Variants in ZNF276 observed in about 807,000 individuals in gnomAD.
The protein encoded by ZNF276 is zinc finger protein 276.
ZNF276 carries 59 observed loss-of-function variants against 63.9 expected under a neutral mutation model. The ratio of observed to expected loss-of-function variants is 0.92; its 90% CI spans 0.75 to 1.15. The LOEUF is 1.15. Among genes scored for constraint, ZNF276 ranks in the 50% most tolerant of loss-of-function variants. The pLI is 0.00. For synonymous variants in ZNF276, 496 were observed against 348.4 expected, an observed-to-expected ratio of 1.42 and a Z score of -4.72; for missense variants, 1,084 against 843.8, an observed-to-expected ratio of 1.28 and a Z score of -3.53.
At position 89,722,691 on chromosome 16, in the gene ZNF276, T is replaced by C; in HGVS notation, c.366T>C (p.Gly122=). The C allele has an allele frequency of 1.2e-6, 2 of 1,612,434 alleles. No homozygotes were observed. The highest frequency in any genetic ancestry group is 1.7e-6 in the Non-Finnish European group (2 of 1,180,028). ...VLVRDFQRLL[G]VAVRQDPTLS... Reference sequence around the variant, plus strand: ...TACGGGACTTCCAGCGCCTGCTTGGTGTGGCTGTCCGCCAGGACCCCACCT... The same window carrying C: ...TACGGGACTTCCAGCGCCTGCTTGGCGTGGCTGTCCGCCAGGACCCCACCT... Residue 122 remains glycine, a synonymous_variant, in exon 2 of 11, where the codon GGT becomes GGC. Transcript: ENST00000443381.
chr16:89,734,780 G>A (rs2061795370), intron 9 of ZNF276, among the ~76,000 whole-genome samples: 1 of 152,142 alleles, frequency 6.6e-6, no homozygotes, highest in Admixed American at 6.5e-5. Context: ...TATGACTGAG[G>A]GTGCTGTCTC....
Position 89,738,946 on chromosome 16 carries a change from G to A in ZNF276, c.*700G>A, listed in dbSNP as rs1457671800. On this transcript the variant is annotated 3_prime_UTR_variant, in exon 11 of 11. Coordinates refer to ENST00000443381, the MANE Select transcript of ZNF276 (RefSeq NM_001113525.2). Reference sequence around the variant, plus strand: ...TATTAACTGCAGCAGAAAAAGACGAGCTTTTGTTATCAGTTCCACGGGGTT... The same window carrying A: ...TATTAACTGCAGCAGAAAAAGACGAACTTTTGTTATCAGTTCCACGGGGTT... 1.9e-6 allele frequency: 3 copies of A among 1,614,256 alleles called. No individual in the cohort carries two copies. Among genetic ancestry groups the A allele is most frequent in the Non-Finnish European group, 2.5e-6 (3 of 1,180,050 alleles).
At chr16:89,729,669 CCA>C (rs1443444359) in intron 6 of ZNF276, among the ~76,000 whole-genome samples, 1 of 152,106 alleles carries the variant, frequency 6.6e-6, no homozygotes, top group Non-Finnish European at 1.5e-5. Context: ...GGTTCACACC[CCA>C]GTGTACCCCC....
At chr16:89,737,657 G>GCCCT in intron 9 of ZNF276, 149 bp from the exon 10 acceptor site, 1 of 1,439,888 alleles carries the variant, frequency 6.9e-7, no homozygotes, top group Non-Finnish European at 9.2e-7. Flanking sequence ...AATAAACGAG[G>GCCCT]CCCTCATAGG....
upstream of ZNF276, chr16:89,720,909 C>T (rs1176236659): frequency 4.7e-6 from 6 of 1,273,858 alleles, no homozygotes; most frequent in African/African-American, 7.8e-5. Context: ...GCTGGACGGG[C>T]GACCGGAGGC....
In ZNF276 at chr16:89,723,489, A is replaced by T; in HGVS notation, c.786A>T (p.Pro262=). ...ACAGTGCGCTGGCAGTCAAGTGGCC[A>T]TGGGACAAAGAGACGGCGCCACGGC... ...LLDSALAVKW[P]WDKETAPRLP... Residue 262 remains proline (P), a synonymous_variant, in exon 4 of 11, where the codon CCA becomes CCT. Coordinates refer to ENST00000443381, the MANE Select transcript of ZNF276 (RefSeq NM_001113525.2). 6.2e-7 allele frequency: 1 copy of T among 1,613,008 alleles called. No individual in the cohort carries two copies. The highest frequency in any genetic ancestry group is 8.5e-7 in the Non-Finnish European group (1 of 1,180,030).
chr16:89,721,938 C>T (rs996780364), intron 1 of ZNF276, 93 bp downstream of exon 1: 1 of 896,142 alleles, frequency 1.1e-6, no homozygotes. Flanking sequence ...GGCGCGGCCT[C>T]TCCTCCACCC....
chr16:89,723,013 G>A (rs1021776371), intron 2 of ZNF276, 124 bp from the exon 3 acceptor site: 1 of 1,596,504 alleles, frequency 6.3e-7, no homozygotes, highest in Admixed American at 1.7e-5. Flanking sequence ...AGGAGCTGGG[G>A]TGAGGGAAGA....
intron 5 of ZNF276, 111 bp from the exon 6 acceptor site, chr16:89,729,124 A>G: frequency 1.2e-6 from 1 of 856,248 alleles, no homozygotes; most frequent in Non-Finnish European, 1.9e-6. Context: ...TTTCAGAAGA[A>G]CTCAAATGTG....
chr16:89,731,756 G>A (rs1157386073), intron 6 of ZNF276: 1 of 152,250 alleles, frequency 6.6e-6, no homozygotes, highest in Non-Finnish European at 1.5e-5. Flanking sequence ...TATTGCATAT[G>A]TATTGTTCAT....
In ZNF276 at chr16:89,733,944, G is replaced by A; in HGVS notation, c.1380G>A (p.Glu460=). 2 of 1,613,956 alleles carry A rather than the reference G, an allele frequency of 1.2e-6. No individual in the cohort carries two copies. Among genetic ancestry groups the A allele is most frequent in the Non-Finnish European group, 1.7e-6 (2 of 1,180,006 alleles). ...GMKKHIKEHH[E]EVRERPCPHP... ...AGAAGCACATCAAGGAGCACCACGA[G>A]GAGGTCCGGGAGCGGCCCTGCCCCC... The change falls in exon 9 of 11, where the codon GAG becomes GAA. Residue 460 remains glutamate, a synonymous_variant. Transcript: ENST00000443381.
chr16:89,729,898 G>A (rs1346542723), intron 6 of ZNF276, among the ~76,000 whole-genome samples: 1 of 152,134 alleles, frequency 6.6e-6, no homozygotes, highest in Non-Finnish European at 1.5e-5. Context: ...TGGTAGTGAG[G>A]GCTGGTTTTC....
chr16:89,735,697 C>T (rs867966412), intron 9 of ZNF276, among the ~76,000 whole-genome samples: 1 of 151,992 alleles, frequency 6.6e-6, no homozygotes, highest in East Asian at 1.9e-4. Flanking sequence ...ATAGTGAGGC[C>T]GTCTTTACCA....
chr16:89,736,795 CAAAAAA>C (rs3039799), intron 9 of ZNF276, among the ~76,000 whole-genome samples: 14 of 72,504 alleles, frequency 1.9e-4, no homozygotes, highest in African/African-American at 7.7e-4. Flanking sequence ...ACCCTGTCTC[CAAAAAA>C]AAAAAAAAAA....
intron 1 of ZNF276, among the ~76,000 whole-genome samples, 156 bp downstream of exon 1, chr16:89,722,001 G>C (rs1434416317): frequency 6.6e-6 from 1 of 152,126 alleles, no homozygotes; most frequent in African/African-American, 2.4e-5. Flanking sequence ...CTGGGCGGCC[G>C]GCTCGGTTTT....
At chr16:89,736,938 A>G (rs1323902750) in intron 9 of ZNF276, among the ~76,000 whole-genome samples, 1 of 152,098 alleles carries the variant, frequency 6.6e-6, no homozygotes, top group Non-Finnish European at 1.5e-5. Flanking sequence ...TAAAATGCCA[A>G]GATAGGGTTT....
At chr16:89,729,029 G>T (rs569674478) in intron 5 of ZNF276, among the ~76,000 whole-genome samples, 1 of 152,376 alleles carries the variant, frequency 6.6e-6, no homozygotes, top group Admixed American at 6.5e-5. Flanking sequence ...CACATGGCTT[G>T]TGGGGATTGC....
In ZNF276 at chr16:89,738,842, A is replaced by G. The variant is rs111846044; in HGVS notation, c.*596A>G. On this transcript the variant is annotated 3_prime_UTR_variant, in exon 11 of 11. Coordinates refer to ENST00000443381, the MANE Select transcript of ZNF276 (RefSeq NM_001113525.2). ...ATGGCCCAGGCAGCTGTCAATTCTC[A>G]TGTCCCCCACATGGCCCAAGGTGGG... 1.9e-5 allele frequency: 30 copies of G among 1,613,632 alleles called. No homozygotes were observed. The African/African-American group carries it at 3.3e-4, about 18-fold the overall frequency.
At chr16:89,729,395 C>T in intron 6 of ZNF276, 77 bp downstream of exon 6, 1 of 1,293,004 alleles carries the variant, frequency 7.7e-7, no homozygotes, top group Non-Finnish European at 1.1e-6. Flanking sequence ...AGGGCCTCTC[C>T]CCGGTGCCCA....
Sources: allele counts gnomAD v4.1 joint callset (sites outside exome capture counted in the v4.1 genomes callset), GRCh38; gene constraint gnomAD v4.1.1; transcripts MANE v1.5; gene names NCBI Gene and HGNC (gene_info 2026-07-23, HGNC 2026-07-21).